The following AGFG2 variants were observed in gnomAD, a reference collection of about 807,000 sequenced individuals.
The protein encoded by AGFG2 is ArfGAP with FG repeats 2, also known as arf-GAP domain and FG repeat-containing protein 2.
In AGFG2, 31 loss-of-function variants were observed where a neutral mutation model predicts 48.0. The ratio of observed to expected loss-of-function variants is 0.65; its 90% CI spans 0.49 to 0.87. The LOEUF (loss-of-function observed/expected upper bound fraction) is 0.87. Ranked by LOEUF, AGFG2 falls within the 40% of genes least tolerant of loss-of-function variation. The pLI is 0.00. For synonymous variants in AGFG2, 229 were observed against 260.8 expected (o/e 0.88, Z 1.18); for missense variants, 599 against 632.6 (o/e 0.95, Z 0.57).
At position 100,568,035 on chromosome 7, in the gene AGFG2, C is replaced by T. The variant is rs1801052970; in HGVS notation, c.*3044C>T. 1 of 152,734 alleles carries T rather than the reference C, an allele frequency of 6.5e-6. No homozygotes were observed. Among genetic ancestry groups the T allele is most frequent in the African/African-American group, 2.4e-5 (1 of 41,434 alleles). 9.5% of individuals were successfully genotyped at this position (152,734 alleles called of 1,614,324 possible). ...CTGAGGCTTGCCCAGCCCCCAGGCC[C>T]TCAGATCCCTGCTCTTCCTGCCTTT... is the stretch of plus-strand genomic sequence containing the variant. On this transcript the variant is annotated 3_prime_UTR_variant, in exon 12 of 12. Transcript: ENST00000300176.
Position 100,553,342 on chromosome 7 carries a change from C to T in AGFG2, c.432-5C>T. 1 of 1,614,168 alleles carries T rather than the reference C, an allele frequency of 6.2e-7. No individual in the cohort carries two copies. ...TCTTTACAGCCTAACTATTCTTTCT[C>T]AAAGGTATGTCCCCCCAGACCAAGT... On this transcript the variant is annotated splice_region_variant and splice_polypyrimidine_tract_variant and intron_variant, in intron 3 of 11. Coordinates refer to ENST00000300176, the MANE Select transcript of AGFG2 (RefSeq NM_006076.5).
rs1562795907 is a variant in AGFG2 at position 100,562,165 on chromosome 7, C to T, written c.878-94C>T. 2 of 1,514,602 alleles carry T rather than the reference C, an allele frequency of 1.3e-6. No homozygotes were observed. The highest frequency in any genetic ancestry group is 2.3e-5 in the East Asian group (1 of 43,876). The allele number at this position is 1,514,602 out of a possible 1,614,324, so 93.8% of individuals were successfully genotyped here. ...GCAGGCACCTGTCATGCCATGACTCCAATCCATCACCACCACCACCTCCAT... is the reference window on the plus strand; with the variant it reads ...GCAGGCACCTGTCATGCCATGACTCTAATCCATCACCACCACCACCTCCAT... On this transcript the variant is annotated intron_variant, in intron 6 of 11. Transcript: ENST00000300176. The surrounding 1 kb of genome is among the most constrained non-coding windows in gnomAD (Gnocchi z 5.4).
chr7:100,560,805 TC>T (rs1338884738), intron 6 of AGFG2, among the ~76,000 whole-genome samples: 1 of 138,210 alleles, frequency 7.2e-6, no homozygotes, highest in East Asian at 2.0e-4. Flanking sequence ...GTGGAAGATC[TC>T]CCTTTTTTTT....
chr7:100,564,182 G>A (rs1440128140), intron 10 of AGFG2, 36 bp from the exon 11 acceptor site: 1 of 1,593,980 alleles, frequency 6.3e-7, no homozygotes, highest in Non-Finnish European at 8.6e-7. Context: ...AGGAAGGCAG[G>A]CTGGTGTCAG....
chr7:100,560,761 C>T (rs943298712), intron 6 of AGFG2, among the ~76,000 whole-genome samples: 22 of 150,746 alleles, frequency 1.5e-4, no homozygotes, highest in Non-Finnish European at 2.4e-4. Flanking sequence ...ATTTAGGGCC[C>T]GGGTCGCTGT....
At chr7:100,556,747 A>C in intron 6 of AGFG2, 1 of 760,886 alleles carries the variant, frequency 1.3e-6, no homozygotes, top group Non-Finnish European at 1.9e-6. Context: ...CAATTTCCCT[A>C]GTCATGCAGG....
chr7:100,564,901 A>T, intron 11 of AGFG2, 31 bp from the exon 12 acceptor site: 3 of 1,612,108 alleles, frequency 1.9e-6, no homozygotes, highest in Non-Finnish European at 2.5e-6. Flanking sequence ...CCTCTCCCCT[A>T]ACTGGAAAAT....
At chr7:100,564,008 G>C in intron 10 of AGFG2, 46 bp downstream of exon 10, 1 of 1,593,828 alleles carries the variant, frequency 6.3e-7, no homozygotes, top group Non-Finnish European at 8.5e-7. Context: ...TCCCATCTCT[G>C]CATAGAGATC....
At position 100,563,956 on chromosome 7, in the gene AGFG2, C is replaced by G; in HGVS notation, c.1294C>G (p.Gln432Glu). ...FPPQTPLVQQQNGSSFGDLGS... is the reference protein window; with the variant it reads ...FPPQTPLVQQENGSSFGDLGS... Reference sequence around the variant, plus strand: ...CCCGCAGACCCCGCTTGTTCAGCAGCAGAATGGTAAGAGCTGTAGATGGAC... The same window carrying G: ...CCCGCAGACCCCGCTTGTTCAGCAGGAGAATGGTAAGAGCTGTAGATGGAC... Residue 432 changes from glutamine (Q) to glutamate (E), a missense_variant, in exon 10 of 12, where the codon CAG (glutamine) becomes GAG (glutamate). By Grantham distance (29) the Gln-to-Glu change is conservative. Coordinates refer to ENST00000300176, the MANE Select transcript of AGFG2 (RefSeq NM_006076.5). The G allele has an allele frequency of 6.2e-7, 1 of 1,607,230 alleles. No homozygotes were observed. The highest frequency in any genetic ancestry group is 8.5e-7 in the Non-Finnish European group (1 of 1,179,990).
intron 4 of AGFG2, 129 bp from the exon 5 acceptor site, chr7:100,553,964 C>T (rs1015366149): frequency 8.8e-7 from 1 of 1,136,184 alleles, no homozygotes; most frequent in Non-Finnish European, 1.2e-6. Context: ...CAGGAATCTT[C>T]TAGGTTGAGG....
chr7:100,561,993 C>T (rs1215109429), intron 6 of AGFG2, among the ~76,000 whole-genome samples: 2 of 152,084 alleles, frequency 1.3e-5, no homozygotes, highest in African/African-American at 2.4e-5. Context: ...GACCTGGGGA[C>T]GAGCTGCTTT....
chr7:100,553,010 A>T (rs568341921), intron 3 of AGFG2, among the ~76,000 whole-genome samples: 1 of 152,144 alleles, frequency 6.6e-6, no homozygotes, highest in African/African-American at 2.4e-5. Context: ...TTAGCCAGGC[A>T]TGGTAGCATG....
chr7:100,559,909 CTG>C (rs1800830398), intron 6 of AGFG2, among the ~76,000 whole-genome samples: 1 of 152,144 alleles, frequency 6.6e-6, no homozygotes, highest in African/African-American at 2.4e-5. Flanking sequence ...AATGCACCCT[CTG>C]TGCAAAGGGC....
At chr7:100,555,569 G>T in intron 5 of AGFG2, 41 bp from the exon 6 acceptor site, 1 of 1,589,890 alleles carries the variant, frequency 6.3e-7, no homozygotes, top group South Asian at 1.1e-5. Flanking sequence ...TACCACACCC[G>T]ACAATTTTCT....
At chr7:100,540,779 C>T (rs1416102779) in intron 1 of AGFG2, among the ~76,000 whole-genome samples, 5 of 151,912 alleles carry the variant, frequency 3.3e-5, no homozygotes, top group Admixed American at 6.6e-5. Context: ...TTTGGGAGGC[C>T]GAGGCAGGCA....
intron 2 of AGFG2, among the ~76,000 whole-genome samples, chr7:100,549,928 G>A (rs936079117): frequency 6.6e-6 from 1 of 152,190 alleles, no homozygotes; most frequent in African/African-American, 2.4e-5. Context: ...CCGTACTCAA[G>A]TGATCCACCC....
chr7:100,565,214 G>C lies in AGFG2; in HGVS notation c.*223G>C. On this transcript the variant is annotated 3_prime_UTR_variant, in exon 12 of 12. Transcript: ENST00000300176. ...CACCCAGGCAGGAAGCCCAGGAGGAGTGCGGGCAGGGCCTGACCTGGAGGA... is the reference window on the plus strand; with the variant it reads ...CACCCAGGCAGGAAGCCCAGGAGGACTGCGGGCAGGGCCTGACCTGGAGGA... The C allele has an allele frequency of 3.3e-6, 2 of 606,866 alleles. No homozygotes were observed. Among genetic ancestry groups the C allele is most frequent in the South Asian group, 1.9e-5 (1 of 51,656 alleles). 37.6% of individuals were successfully genotyped at this position (606,866 alleles called of 1,614,324 possible).
At chr7:100,563,605 C>T (rs1562796660) in intron 9 of AGFG2, among the ~76,000 whole-genome samples, 3 of 152,212 alleles carry the variant, frequency 2.0e-5, no homozygotes, top group East Asian at 1.9e-4. Context: ...TCCTGCACCG[C>T]GCCCGTGCCT....
At chr7:100,551,522 T>G (rs1800645413) in intron 3 of AGFG2, among the ~76,000 whole-genome samples, 1 of 151,688 alleles carries the variant, frequency 6.6e-6, no homozygotes, top group South Asian at 2.1e-4. Flanking sequence ...ATGATTTATA[T>G]GTACAGTCAG....
Sources: allele counts gnomAD v4.1 joint callset (sites outside exome capture counted in the v4.1 genomes callset), GRCh38; gene constraint gnomAD v4.1.1; non-coding constraint Gnocchi (gnomAD v3.1); transcripts MANE v1.5; gene names NCBI Gene and HGNC (gene_info 2026-07-23, HGNC 2026-07-21).